The following PLAAT2 variants were observed in gnomAD, a reference collection of about 807,000 sequenced individuals.
PLAAT2 encodes the protein phospholipase A and acyltransferase 2, also known as HRAS like suppressor 2.
In PLAAT2, 12 loss-of-function variants were observed where a neutral mutation model predicts 12.8. The ratio of observed to expected loss-of-function variants is 0.94; its 90% confidence interval spans 0.60 to 1.52. PLAAT2 has a LOEUF of 1.52. PLAAT2 is among the 40% of genes most tolerant of loss of function. The probability of loss-of-function intolerance (pLI) is 0.00; values close to 1 mark genes in which losing one functional copy is unlikely to be tolerated. For missense variants in PLAAT2, 166 were observed against 208.1 expected, an observed-to-expected ratio of 0.80 and a Z score of 1.24; for synonymous variants, 79 against 86.8, an observed-to-expected ratio of 0.91 and a Z score of 0.50.
rs2134371537 is a variant in PLAAT2, at chr11:63,558,378, G to A, written c.387+14C>T. 1 of 1,611,318 alleles carries A rather than the reference G, an allele frequency of 6.2e-7. No homozygotes were observed. Among genetic ancestry groups the A allele is most frequent in the Non-Finnish European group, 8.5e-7 (1 of 1,177,846 alleles). The stretch of plus-strand genomic sequence containing the variant: ...GCCTGGCTCCTGGGAAGGGGATGCA[G>A]GCTGAAGATGCACCTGGTCACTGCG... On this transcript the variant is annotated intron_variant, in intron 3 of 3. Transcript: ENST00000255695.
upstream of PLAAT2, chr11:63,563,526 G>T: frequency 1.7e-6 from 1 of 572,746 alleles, no homozygotes; most frequent in East Asian, 3.1e-5. Flanking sequence ...AGACCATCCT[G>T]ACTAACACGG....
At chr11:63,563,404 G>A, upstream of PLAAT2, 1 of 1,579,330 alleles carries the variant, frequency 6.3e-7, no homozygotes, top group Non-Finnish European at 8.7e-7. Flanking sequence ...CTTTCCCTGT[G>A]ACCCAGCCCA....
chr11:63,559,897 T>G (rs1171512515), intron 2 of PLAAT2, among the ~76,000 whole-genome samples, 188 bp downstream of exon 2: 2 of 152,120 alleles, frequency 1.3e-5, no homozygotes, highest in African/African-American at 4.8e-5. Flanking sequence ...GTCAATAGTC[T>G]CTCCACCAAT....
chr11:63,557,440 T>C (rs1176736204), intron 3 of PLAAT2, among the ~76,000 whole-genome samples: 1 of 151,958 alleles, frequency 6.6e-6, no homozygotes, highest in East Asian at 1.9e-4. Flanking sequence ...GGTGGGAGGA[T>C]TGCTTGAGCC....
chr11:63,559,713 C>T lies in PLAAT2; in HGVS notation c.118+372G>A, dbSNP rs991051334. 4.6e-5 allele frequency among the ~76,000 whole-genome samples: 6 copies of T among 130,634 alleles called. No homozygotes were observed. The South Asian group carries it at 1.3e-3, about 28-fold the overall frequency. The allele number at this position is 130,634 out of a possible 152,430, so 85.7% of individuals were successfully genotyped here. A position where few individuals can be genotyped will look rare whatever the true frequency, so the allele number is the denominator to read the frequency against. On this transcript the variant is annotated intron_variant, in intron 2 of 3. Transcript: ENST00000255695. ...TGGTTCTGTTGAGTTGGGAGGCCCA[C>T]ATGCTCCTTCCGTTATACTATGTGC... is the stretch of plus-strand genomic sequence containing the variant.
chr11:63,562,975 C>G (rs1474187856), intron 1 of PLAAT2, among the ~76,000 whole-genome samples: 1 of 152,200 alleles, frequency 6.6e-6, no homozygotes, highest in East Asian at 1.9e-4. Flanking sequence ...GTGGGGTAAA[C>G]CAAGGGCTGC....
chr11:63,553,581 C>T (rs1262476288), intron 3 of PLAAT2, among the ~76,000 whole-genome samples: 1 of 151,978 alleles, frequency 6.6e-6, no homozygotes, highest in Non-Finnish European at 1.5e-5. Context: ...GCCCAGGAGG[C>T]GGAGGTTGCA....
chr11:63,553,487 C>CA (rs113567936), intron 3 of PLAAT2, among the ~76,000 whole-genome samples: 4,177 of 125,702 alleles, frequency 0.033, 145 homozygotes, highest in Admixed American at 0.12. Flanking sequence ...CAAAAAAATA[C>CA]AAAAAAAAAA....
intron 1 of PLAAT2, among the ~76,000 whole-genome samples, chr11:63,563,020 C>T (rs1217189427): frequency 6.6e-6 from 1 of 152,220 alleles, no homozygotes; most frequent in Non-Finnish European, 1.5e-5. Flanking sequence ...CTTCAGGAGG[C>T]TTAGCAGAGC....
At chr11:63,563,704 C>G (rs562863999), upstream of PLAAT2, among the ~76,000 whole-genome samples, 2 of 116,212 alleles carry the variant, frequency 1.7e-5, no homozygotes, top group Non-Finnish European at 3.2e-5. Context: ...GGCGGCAGGG[C>G]GAGACTCAGT....
intron 3 of PLAAT2, 22 bp downstream of exon 3, chr11:63,558,370 G>A (rs1448126239): frequency 6.2e-7 from 1 of 1,609,406 alleles, no homozygotes; most frequent in Non-Finnish European, 8.5e-7. Context: ...TCCTGGGAAG[G>A]GGATGCAGGC....
intron 3 of PLAAT2, among the ~76,000 whole-genome samples, chr11:63,554,170 G>C (rs912012069): frequency 1.7e-5 from 2 of 115,822 alleles, no homozygotes; most frequent in Admixed American, 9.9e-5. Flanking sequence ...AACACGGGGT[G>C]GGGGGTGGGG....
intron 1 of PLAAT2, among the ~76,000 whole-genome samples, chr11:63,560,478 C>G (rs1424341853): frequency 6.6e-6 from 1 of 152,092 alleles, no homozygotes; most frequent in Non-Finnish European, 1.5e-5. Flanking sequence ...AGTGATGTGC[C>G]CAGGCTGAGT....
At chr11:63,558,950 C>G (rs1169045692) in intron 2 of PLAAT2, among the ~76,000 whole-genome samples, 2 of 152,128 alleles carry the variant, frequency 1.3e-5, no homozygotes, top group African/African-American at 4.8e-5. Flanking sequence ...TGGTACAGGG[C>G]AAAGAGAGGA....
chr11:63,562,289 G>C (rs113995126), intron 1 of PLAAT2, among the ~76,000 whole-genome samples: 2,473 of 152,202 alleles, frequency 0.016, 77 homozygotes, highest in African/African-American at 0.056. Flanking sequence ...TTGTCACCCA[G>C]GCTGGAGTGC....
chr11:63,554,849 T>A (rs1006317567), intron 3 of PLAAT2, among the ~76,000 whole-genome samples: 4 of 152,188 alleles, frequency 2.6e-5, no homozygotes, highest in African/African-American at 9.7e-5. Flanking sequence ...AAAACCATTT[T>A]ATTCAAATAC....
intron 3 of PLAAT2, 70 bp from the exon 4 acceptor site, chr11:63,553,135 A>G (rs2017433248): frequency 2.1e-6 from 2 of 932,358 alleles, no homozygotes; most frequent in Admixed American, 3.8e-5. Context: ...CCAGGAAACT[A>G]CAGCTCAGGA....
At chr11:63,563,273 T>C in intron 1 of PLAAT2, 43 bp downstream of exon 1, 1 of 1,612,798 alleles carries the variant, frequency 6.2e-7, no homozygotes, top group Non-Finnish European at 8.5e-7. Flanking sequence ...ATAGGGTGGT[T>C]GTTCCTCAAA....
chr11:63,561,916 T>C (rs1047883896), intron 1 of PLAAT2, among the ~76,000 whole-genome samples: 1 of 152,028 alleles, frequency 6.6e-6, no homozygotes, highest in Non-Finnish European at 1.5e-5. Context: ...ACATCAAATA[T>C]GTTAAAACCC....
Sources: gnomAD v4.1 joint callset for allele counts (sites outside exome capture counted in the v4.1 genomes callset) on GRCh38, gnomAD v4.1.1 for gene constraint, MANE v1.5 for transcripts, NCBI Gene and HGNC (gene_info 2026-07-23, HGNC 2026-07-21) for gene names.